The following ASTN1 variants were observed in gnomAD, a reference collection of about 807,000 sequenced individuals.
ASTN1 encodes astrotactin 1.
Under a neutral mutation model 140.7 loss-of-function variants are expected in ASTN1, and 41 were observed. The observed-to-expected ratio is 0.29, with a 90% confidence interval of 0.23 to 0.38. The LOEUF is 0.38. Ranked by LOEUF, ASTN1 falls within the 10% of genes least tolerant of loss-of-function variation. The pLI, the probability that ASTN1 is intolerant of heterozygous loss-of-function variation, is 1.00. For synonymous variants in ASTN1, 640 were observed against 652.2 expected, an observed-to-expected ratio of 0.98 and a Z score of 0.29; for missense variants, 1,479 against 1,678.8, an observed-to-expected ratio of 0.88 and a Z score of 2.08.
intron 1 of ASTN1, among the ~76,000 whole-genome samples, chr1:177,097,102 A>C (rs891932868): frequency 6.6e-6 from 1 of 152,134 alleles, no homozygotes; most frequent in Admixed American, 6.5e-5. Context: ...AAATAAACTA[A>C]GACAAAAACC....
chr1:177,104,975 C>A (rs1286347149), intron 1 of ASTN1, among the ~76,000 whole-genome samples: 1 of 152,154 alleles, frequency 6.6e-6, no homozygotes, highest in Non-Finnish European at 1.5e-5. Flanking sequence ...CACAGACGGG[C>A]ATTCCTCTAC....
chr1:176,994,823 T>C lies in ASTN1; in HGVS notation c.1523+19968A>G, dbSNP rs376406449. ...AATACTAGATGCTTTGAACAGTGTGTAGCATGTAATAAGCCCTAAATGATT... is the reference window on the plus strand; with the variant it reads ...AATACTAGATGCTTTGAACAGTGTGCAGCATGTAATAAGCCCTAAATGATT... On this transcript the variant is annotated intron_variant, in intron 8 of 22. Transcript: ENST00000361833. Among the ~76,000 whole-genome samples the C allele has an allele frequency of 1.7e-4, 26 of 152,318 alleles. No homozygotes were observed. The East Asian group carries it at 3.9e-3, about 23-fold the overall frequency.
intron 22 of ASTN1, 126 bp downstream of exon 22, chr1:176,868,718 A>G: frequency 1.9e-6 from 2 of 1,037,364 alleles, no homozygotes; most frequent in Non-Finnish European, 2.7e-6. Flanking sequence ...AAATCAGAGG[A>G]CTGACTTCTC....
chr1:176,936,127 T>C (rs757182598), intron 15 of ASTN1, 139 bp downstream of exon 15: 1 of 755,986 alleles, frequency 1.3e-6, no homozygotes, highest in Non-Finnish European at 2.3e-6. Context: ...TGGATAAATC[T>C]GAGTAAATAG....
intron 8 of ASTN1, among the ~76,000 whole-genome samples, chr1:176,991,436 C>CAAA (rs1173420812): frequency 3.6e-4 from 5 of 13,828 alleles, no homozygotes; most frequent in South Asian, 3.5e-3. Flanking sequence ...AAAAAAAAAC[C>CAAA]AAAAAAAAAA....
At chr1:177,094,418 C>T (rs949805897) in intron 1 of ASTN1, among the ~76,000 whole-genome samples, 2 of 152,216 alleles carry the variant, frequency 1.3e-5, no homozygotes, top group Admixed American at 1.3e-4. Flanking sequence ...AATTGCTCAT[C>T]TTCCTCCAGT....
intron 1 of ASTN1, among the ~76,000 whole-genome samples, chr1:177,123,760 A>G (rs1342913664): frequency 6.6e-6 from 1 of 152,194 alleles, no homozygotes; most frequent in Non-Finnish European, 1.5e-5. Flanking sequence ...CCCTGGCTCT[A>G]TGAGCTGATT....
chr1:176,917,685 G>T (rs998202870), intron 16 of ASTN1, among the ~76,000 whole-genome samples: 1 of 152,146 alleles, frequency 6.6e-6, no homozygotes, highest in African/African-American at 2.4e-5. Flanking sequence ...AGAGAGGGCC[G>T]CAGTGCAAGG....
intron 1 of ASTN1, among the ~76,000 whole-genome samples, chr1:177,074,447 C>T (rs773574700): frequency 6.6e-6 from 1 of 152,176 alleles, no homozygotes; most frequent in Non-Finnish European, 1.5e-5. Flanking sequence ...AGTCGATCTC[C>T]TTGATCACTA....
intron 1 of ASTN1, among the ~76,000 whole-genome samples, chr1:177,109,860 C>T (rs1680736842): frequency 6.6e-6 from 1 of 152,136 alleles, no homozygotes; most frequent in African/African-American, 2.4e-5. Flanking sequence ...GGTGGAAGAG[C>T]TTTCATCTTT....
At chr1:177,112,582 T>A (rs1680874921) in intron 1 of ASTN1, among the ~76,000 whole-genome samples, 1 of 152,206 alleles carries the variant, frequency 6.6e-6, no homozygotes, top group Non-Finnish European at 1.5e-5. Flanking sequence ...GGTTCATCAA[T>A]ATTTCCACAA....
chr1:176,991,561 G>C (rs192714988), intron 8 of ASTN1, among the ~76,000 whole-genome samples: 1 of 151,302 alleles, frequency 6.6e-6, no homozygotes, highest in Non-Finnish European at 1.5e-5. Context: ...GTAGAACCAG[G>C]AGCCAGGCGA....
At chr1:176,936,126 C>T (rs1467159659) in intron 15 of ASTN1, 140 bp downstream of exon 15, 1 of 753,656 alleles carries the variant, frequency 1.3e-6, no homozygotes, top group Non-Finnish European at 2.3e-6. Flanking sequence ...CTGGATAAAT[C>T]TGAGTAAATA....
Position 176,862,865 on chromosome 1 carries a change from C to A in ASTN1, c.*1419G>T. ...AAAACCAATATAGCTCAATGACTAGCCTTATAGGTCTTGCATCTGTTTGCT... is the reference window on the plus strand; with the variant it reads ...AAAACCAATATAGCTCAATGACTAGACTTATAGGTCTTGCATCTGTTTGCT... On this transcript the variant is annotated 3_prime_UTR_variant, in exon 23 of 23. Transcript: ENST00000361833. 1 of 985,440 alleles carries A rather than the reference C, an allele frequency of 1.0e-6. No homozygotes were observed. Among genetic ancestry groups the A allele is most frequent in the Non-Finnish European group, 1.2e-6 (1 of 829,932 alleles). 61.0% of individuals were successfully genotyped at this position (985,440 alleles called of 1,614,324 possible). A position where few individuals can be genotyped will look rare whatever the true frequency, so the allele number is the denominator to read the frequency against.
intron 8 of ASTN1, among the ~76,000 whole-genome samples, chr1:176,971,479 A>T (rs914555728): frequency 4.6e-5 from 7 of 152,194 alleles, no homozygotes; most frequent in Admixed American, 3.3e-4. Context: ...AGGCCTTTGC[A>T]GATGTTGTTT....
chr1:176,991,413 CAAAAAAAAAA>C (rs1200261285), intron 8 of ASTN1, among the ~76,000 whole-genome samples: 1 of 109,540 alleles, frequency 9.1e-6, no homozygotes, highest in East Asian at 5.8e-4. Context: ...AACTCTGTCT[CAAAAAAAAAA>C]AAAAAAAAAA....
At chr1:177,156,711 T>C (rs1352765614) in intron 1 of ASTN1, among the ~76,000 whole-genome samples, 1 of 152,168 alleles carries the variant, frequency 6.6e-6, no homozygotes, top group African/African-American at 2.4e-5. Flanking sequence ...CTGTGCACAG[T>C]GACTTCCTTC....
chr1:176,993,302 G>T (rs753931251), intron 8 of ASTN1, among the ~76,000 whole-genome samples: 1 of 152,122 alleles, frequency 6.6e-6, no homozygotes, highest in Non-Finnish European at 1.5e-5. Context: ...ACAGTCAAGT[G>T]GGAAAACAGA....
chr1:177,082,066 T>C (rs1007297276), intron 1 of ASTN1, among the ~76,000 whole-genome samples: 5 of 152,262 alleles, frequency 3.3e-5, no homozygotes, highest in East Asian at 1.9e-4. Flanking sequence ...CTGGATATGC[T>C]GAGTTTGACA....
Sources: allele counts gnomAD v4.1 joint callset (sites outside exome capture counted in the v4.1 genomes callset), GRCh38; gene constraint gnomAD v4.1.1; transcripts MANE v1.5; gene names NCBI Gene and HGNC (gene_info 2026-07-23, HGNC 2026-07-21).